The following FIGN variants were observed in gnomAD, a reference collection of about 807,000 sequenced individuals.
FIGN encodes fidgetin.
In FIGN, 11 loss-of-function variants were observed where a neutral mutation model predicts 51.3. The ratio of observed to expected loss-of-function variants is 0.21; its 90% CI spans 0.13 to 0.35. FIGN has a LOEUF of 0.35. FIGN is among the 10% of genes least tolerant of loss of function. The probability of loss-of-function intolerance (pLI) is 1.00; values close to 1 mark genes in which losing one functional copy is unlikely to be tolerated. For synonymous variants in FIGN, 407 were observed against 363.2 expected (o/e 1.12, Z -1.37); for missense variants, 857 against 943.6 (o/e 0.91, Z 1.20).
At chr2:163,663,587 T>A (rs1001944519) in intron 2 of FIGN, among the ~76,000 whole-genome samples, 3 of 151,546 alleles carry the variant, frequency 2.0e-5, no homozygotes, top group African/African-American at 7.3e-5. Flanking sequence ...GCAGTTATTT[T>A]AAAAAGGATA....
At chr2:163,671,854 T>C in intron 2 of FIGN, among the ~76,000 whole-genome samples, 1 of 152,150 alleles carries the variant, frequency 6.6e-6, no homozygotes, top group East Asian at 1.9e-4. Flanking sequence ...AACATGCATG[T>C]AATAATTCTG....
At chr2:163,666,579 C>T (rs1683777280) in intron 2 of FIGN, among the ~76,000 whole-genome samples, 1 of 152,132 alleles carries the variant, frequency 6.6e-6, no homozygotes, top group Non-Finnish European at 1.5e-5. Flanking sequence ...TCTCAACTGA[C>T]ACTGAGGGCA....
At chr2:163,723,423 G>A (rs7596069) in intron 2 of FIGN, among the ~76,000 whole-genome samples, 4,600 of 152,094 alleles carry the variant, frequency 0.03, 275 homozygotes, top group East Asian at 0.27. Flanking sequence ...ATCTATAGTA[G>A]GAGAAAGATG....
intron 2 of FIGN, among the ~76,000 whole-genome samples, chr2:163,619,100 A>G (rs1362873862): frequency 6.6e-6 from 1 of 151,996 alleles, no homozygotes; most frequent in African/African-American, 2.4e-5. Flanking sequence ...CTTTTGCTCT[A>G]ATTTGTCAGA....
intron 2 of FIGN, among the ~76,000 whole-genome samples, chr2:163,733,292 C>T (rs1684960911): frequency 6.6e-6 from 1 of 152,076 alleles, no homozygotes; most frequent in African/African-American, 2.4e-5. Context: ...TATATAATTG[C>T]CTATGCCAGT....
chr2:163,632,375 C>T (rs1683158122), intron 2 of FIGN, among the ~76,000 whole-genome samples: 4 of 152,306 alleles, frequency 2.6e-5, no homozygotes, highest in African/African-American at 9.6e-5. Context: ...TTTGCTCTCA[C>T]TCTCTACCAT....
intron 2 of FIGN, among the ~76,000 whole-genome samples, chr2:163,614,075 T>C (rs535816106): frequency 3.3e-5 from 5 of 152,258 alleles, no homozygotes; most frequent in African/African-American, 1.2e-4. Flanking sequence ...AATGGGAAAA[T>C]AGTATTATAA....
intron 2 of FIGN, among the ~76,000 whole-genome samples, chr2:163,704,453 C>A (rs1684461413): frequency 6.6e-6 from 1 of 151,952 alleles, no homozygotes; most frequent in African/African-American, 2.4e-5. Context: ...TAAGCTAAAT[C>A]TGAAATTCAT....
intron 2 of FIGN, among the ~76,000 whole-genome samples, chr2:163,696,425 G>A (rs906167689): frequency 9.2e-5 from 14 of 152,054 alleles, no homozygotes; most frequent in Non-Finnish European, 4.4e-5. Context: ...CCTCACAATC[G>A]TTTACTTATC....
intron 2 of FIGN, among the ~76,000 whole-genome samples, chr2:163,632,327 T>G (rs543593337): frequency 5.9e-5 from 9 of 152,274 alleles, no homozygotes; most frequent in Admixed American, 2.0e-4. Context: ...TCATCAGAGC[T>G]CTTCCAGAAT....
intron 2 of FIGN, among the ~76,000 whole-genome samples, chr2:163,655,449 T>C (rs1009944954): frequency 2.0e-5 from 3 of 151,730 alleles, no homozygotes; most frequent in African/African-American, 7.3e-5. Flanking sequence ...CAATTGACAC[T>C]GGAAACAACA....
chr2:163,621,372 A>G (rs1437340055), intron 2 of FIGN, among the ~76,000 whole-genome samples: 1 of 152,174 alleles, frequency 6.6e-6, no homozygotes, highest in Admixed American at 6.5e-5. Context: ...GGGCTGGGTG[A>G]CATAGTGCAT....
rs1258891121 is a variant in FIGN, at chr2:163,611,816, T to C, written c.26-10A>G. 2.5e-6 allele frequency: 4 copies of C among 1,585,926 alleles called. No homozygotes were observed. Among genetic ancestry groups the C allele is most frequent in the Admixed American group, 3.4e-5 (2 of 58,382 alleles). ...CACTGCATCTTCAAGCCTAAGAATT[T>C]TGGGGGGAAAAGAGTTAATTTACTT... On this transcript the variant is annotated splice_polypyrimidine_tract_variant and intron_variant, in intron 2 of 2. Transcript: ENST00000333129.
intron 2 of FIGN, among the ~76,000 whole-genome samples, chr2:163,655,597 G>A (rs145030829): frequency 5.3e-5 from 8 of 152,018 alleles, no homozygotes; most frequent in Admixed American, 2.0e-4. Context: ...TAATTCATGA[G>A]TGATTAATCT....
chr2:163,707,354 CA>C (rs10532413), intron 2 of FIGN, among the ~76,000 whole-genome samples: 6,705 of 149,520 alleles, frequency 0.045, 175 homozygotes, highest in African/African-American at 0.062. Context: ...GACTCTGTCT[CA>C]AAAAAAAAAA....
intron 2 of FIGN, among the ~76,000 whole-genome samples, chr2:163,626,952 C>T (rs986623929): frequency 3.3e-5 from 5 of 152,160 alleles, no homozygotes; most frequent in South Asian, 4.1e-4. Context: ...GCCTTGCCAA[C>T]GTCAGGAAAT....
At chr2:163,716,498 C>A (rs539285903) in intron 2 of FIGN, among the ~76,000 whole-genome samples, 5 of 152,212 alleles carry the variant, frequency 3.3e-5, no homozygotes, top group African/African-American at 1.2e-4. Context: ...CTACCATTAG[C>A]TTTTAGGAAA....
chr2:163,673,234 T>G (rs1490256348), intron 2 of FIGN, among the ~76,000 whole-genome samples: 1 of 152,052 alleles, frequency 6.6e-6, no homozygotes, highest in Non-Finnish European at 1.5e-5. Context: ...TGGGATTCAT[T>G]TGAGGATTTC....
chr2:163,717,605 T>C (rs944425155), intron 2 of FIGN, among the ~76,000 whole-genome samples: 3 of 152,168 alleles, frequency 2.0e-5, no homozygotes, highest in Non-Finnish European at 4.4e-5. Flanking sequence ...AAGTGTTTTT[T>C]GTCGGCTTAA....
Sources: allele counts gnomAD v4.1 joint callset (sites outside exome capture counted in the v4.1 genomes callset), GRCh38; gene constraint gnomAD v4.1.1; transcripts MANE v1.5; gene names NCBI Gene and HGNC (gene_info 2026-07-23, HGNC 2026-07-21).